RAB31: variants seen among roughly 807,000 people sequenced by gnomAD.
The protein encoded by RAB31 is RAB31, member RAS oncogene family.
A neutral mutation model predicts 25.6 loss-of-function variants in RAB31; 21 were observed. That is an observed-to-expected ratio of 0.82 (90% CI 0.58 to 1.18). RAB31 has a LOEUF of 1.18. RAB31 is among the 50% of genes most tolerant of loss of function. The probability of loss-of-function intolerance (pLI) is 0.00; values close to 1 mark genes in which losing one functional copy is unlikely to be tolerated. For missense variants in RAB31, 196 were observed against 250.1 expected (o/e 0.78, Z 1.46); for synonymous variants, 87 against 84.0 (o/e 1.04, Z -0.20).
intron 4 of RAB31, 63 bp downstream of exon 4, chr18:9,814,154 G>A: frequency 7.9e-7 from 1 of 1,259,252 alleles, no homozygotes; most frequent in Non-Finnish European, 1.1e-6. Flanking sequence ...TAGAGAGACT[G>A]GAGCAGAGAC....
chr18:9,778,044 C>CAT (rs2068382384), intron 2 of RAB31, among the ~76,000 whole-genome samples: 1 of 152,058 alleles, frequency 6.6e-6, no homozygotes, highest in Non-Finnish European at 1.5e-5. Context: ...TGAGCCACTG[C>CAT]ACCCGGCCTG....
At chr18:9,849,104 C>T (rs759558088) in intron 6 of RAB31, among the ~76,000 whole-genome samples, 7 of 152,126 alleles carry the variant, frequency 4.6e-5, no homozygotes, top group Non-Finnish European at 8.8e-5. Flanking sequence ...TAATTCTCTT[C>T]CATGCATTTC....
chr18:9,737,605 C>A (rs1416538269), intron 1 of RAB31, among the ~76,000 whole-genome samples: 1 of 152,156 alleles, frequency 6.6e-6, no homozygotes, highest in East Asian at 1.9e-4. Flanking sequence ...GGCTCTTCTG[C>A]AGAAATGAGT....
chr18:9,755,645 T>C (rs2068256998), intron 1 of RAB31, among the ~76,000 whole-genome samples: 1 of 152,250 alleles, frequency 6.6e-6, no homozygotes, highest in South Asian at 2.1e-4. Context: ...AACCAGAGAC[T>C]GAATTTCCAT....
At chr18:9,820,716 C>G (rs1009470752) in intron 5 of RAB31, among the ~76,000 whole-genome samples, 3 of 151,940 alleles carry the variant, frequency 2.0e-5, no homozygotes, top group Non-Finnish European at 2.9e-5. Context: ...AATAATACTT[C>G]TAATTTGTAT....
chr18:9,852,318 T>C (rs758716342), intron 6 of RAB31, among the ~76,000 whole-genome samples: 5 of 152,248 alleles, frequency 3.3e-5, no homozygotes, highest in Non-Finnish European at 5.9e-5. Context: ...TGTTATCATA[T>C]TAATTACTAT....
intron 3 of RAB31, among the ~76,000 whole-genome samples, chr18:9,811,024 G>T (rs2299842): frequency 0.22 from 32,807 of 152,124 alleles, 3,903 homozygotes; most frequent in East Asian, 0.43. Flanking sequence ...TTGCCAAATG[G>T]TGGGTTAAAA....
intron 1 of RAB31, among the ~76,000 whole-genome samples, chr18:9,752,415 A>T (rs1341868231): frequency 2.6e-5 from 4 of 151,972 alleles, no homozygotes; most frequent in African/African-American, 9.7e-5. Context: ...AGTAGGGACG[A>T]GGTTTAGCCA....
At chr18:9,788,897 G>T (rs114735723) in intron 2 of RAB31, among the ~76,000 whole-genome samples, 1,937 of 152,342 alleles carry the variant, frequency 0.013, 45 homozygotes, top group African/African-American at 0.044. Context: ...ATGAACCTGG[G>T]ATATAGAGGT....
intron 3 of RAB31, among the ~76,000 whole-genome samples, chr18:9,798,949 G>A (rs182478453): frequency 8.5e-5 from 13 of 152,302 alleles, no homozygotes; most frequent in Admixed American, 3.9e-4. Context: ...GTAGCTGGGC[G>A]TGGTGGCACT....
At chr18:9,763,599 A>AG (rs2068299610) in intron 1 of RAB31, among the ~76,000 whole-genome samples, 1 of 79,738 alleles carries the variant, frequency 1.3e-5, no homozygotes, top group Admixed American at 1.2e-4. Context: ...AAAGAAAAAA[A>AG]TTATATATAT....
intron 1 of RAB31, among the ~76,000 whole-genome samples, chr18:9,710,114 A>T (rs960927636): frequency 9.9e-5 from 15 of 152,210 alleles, no homozygotes; most frequent in Non-Finnish European, 2.1e-4. Flanking sequence ...GTTTAGGGAC[A>T]GGTCTCTATG....
At chr18:9,846,403 C>T (rs950272377) in intron 6 of RAB31, among the ~76,000 whole-genome samples, 8 of 152,174 alleles carry the variant, frequency 5.3e-5, no homozygotes, top group Admixed American at 3.9e-4. Context: ...CATTCTGTTC[C>T]GGATTCTGCC....
At chr18:9,735,914 G>A (rs1221933190) in intron 1 of RAB31, among the ~76,000 whole-genome samples, 1 of 152,112 alleles carries the variant, frequency 6.6e-6, no homozygotes, top group Admixed American at 6.5e-5. Context: ...ATAGCTTACC[G>A]CAGTCTTGAA....
chr18:9,710,888 C>A lies in RAB31; in HGVS notation c.39+2444C>A, dbSNP rs2068013220. Among the ~76,000 whole-genome samples, 3 of 150,190 alleles carry A rather than the reference C, an allele frequency of 2.0e-5. No individual in the cohort carries two copies. The South Asian group carries it at 6.3e-4, about 32-fold the overall frequency. Reference sequence around the variant, plus strand: ...AAAGAAAACAAAAGAAAAGAAACATCAGTCATATCACACCACATTTGTGGC... The same window carrying A: ...AAAGAAAACAAAAGAAAAGAAACATAAGTCATATCACACCACATTTGTGGC... On this transcript the variant is annotated intron_variant, in intron 1 of 6. Coordinates refer to ENST00000578921, the MANE Select transcript of RAB31 (RefSeq NM_006868.4).
intron 1 of RAB31, among the ~76,000 whole-genome samples, chr18:9,731,092 C>T (rs1415576594): frequency 6.6e-6 from 1 of 152,220 alleles, no homozygotes; most frequent in Non-Finnish European, 1.5e-5. Context: ...TCTGCTGTTT[C>T]ACATAGCTGC....
At chr18:9,732,732 G>T (rs2068129836) in intron 1 of RAB31, among the ~76,000 whole-genome samples, 1 of 152,340 alleles carries the variant, frequency 6.6e-6, no homozygotes, top group East Asian at 1.9e-4. Flanking sequence ...GCTGAACTTT[G>T]CAGGGTGCCG....
At chr18:9,856,464 C>T (rs888761338) in intron 6 of RAB31, 1 of 152,110 alleles carries the variant, frequency 6.6e-6, no homozygotes, top group Non-Finnish European at 1.5e-5. Context: ...TAAACTTTTT[C>T]TTTAATTTGT....
intron 5 of RAB31, among the ~76,000 whole-genome samples, chr18:9,824,382 ATG>A (rs1317694384): frequency 8.3e-5 from 12 of 144,516 alleles, no homozygotes; most frequent in South Asian, 2.2e-4. Flanking sequence ...GTAGATGTGT[ATG>A]TGTGTGTGTA....
Sources: allele counts gnomAD v4.1 joint callset (sites outside exome capture counted in the v4.1 genomes callset), GRCh38; gene constraint gnomAD v4.1.1; transcripts MANE v1.5; gene names NCBI Gene and HGNC (gene_info 2026-07-23, HGNC 2026-07-21).